RAP1GAP2: variants seen among roughly 807,000 people sequenced by gnomAD.
The protein encoded by RAP1GAP2 is RAP1 GTPase activating protein 2.
RAP1GAP2 carries 27 observed loss-of-function variants against 95.0 expected under a neutral mutation model. The ratio of observed to expected loss-of-function variants is 0.28; its 90% CI spans 0.21 to 0.39. RAP1GAP2 has a LOEUF of 0.39. RAP1GAP2 is among the 10% of genes least tolerant of loss of function. RAP1GAP2 has a pLI of 1.00. For missense variants in RAP1GAP2, 771 were observed against 970.0 expected, an observed-to-expected ratio of 0.79 and a Z score of 2.72; for synonymous variants, 373 against 380.9, an observed-to-expected ratio of 0.98 and a Z score of 0.24.
intron 2 of RAP1GAP2, among the ~76,000 whole-genome samples, chr17:2,833,473 G>A (rs571704866): frequency 2.6e-5 from 4 of 151,888 alleles, no homozygotes; most frequent in South Asian, 2.1e-4. Context: ...GAAAAGTGCC[G>A]AGGTCAGGAG....
intron 14 of RAP1GAP2, among the ~76,000 whole-genome samples, chr17:3,000,095 C>T (rs1486040838): frequency 1.3e-5 from 2 of 152,282 alleles, no homozygotes; most frequent in South Asian, 2.1e-4. Context: ...TTGCAGGCTC[C>T]TGCCACCATG....
chr17:3,026,863 G>A (rs569554545), intron 21 of RAP1GAP2, 81 bp from the exon 22 acceptor site: 1 of 1,493,248 alleles, frequency 6.7e-7, no homozygotes, highest in Non-Finnish European at 9.0e-7. Flanking sequence ...GCTGTCCTGG[G>A]CTTTTGGGGG....
At position 3,005,818 on chromosome 17, in the gene RAP1GAP2, A is replaced by T; in HGVS notation, c.1273-137A>T. The T allele has an allele frequency of 1.2e-6, 1 of 827,578 alleles. No individual in the cohort carries two copies. The highest frequency in any genetic ancestry group is 2.0e-6 in the Non-Finnish European group (1 of 494,248). 51.3% of individuals were successfully genotyped at this position (827,578 alleles called of 1,614,324 possible). ...TTTGCAAGTGGGCTTGGCCTGGGCTAGAAATGATCCGCTGTCGGAAGGGAC... is the reference window on the plus strand; with the variant it reads ...TTTGCAAGTGGGCTTGGCCTGGGCTTGAAATGATCCGCTGTCGGAAGGGAC... On this transcript the variant is annotated intron_variant, in intron 15 of 24. Coordinates refer to ENST00000254695, the MANE Select transcript of RAP1GAP2 (RefSeq NM_015085.5). This position sits in a 1 kb window ranked among gnomAD's most constrained non-coding sequence, Gnocchi z 5.2.
In RAP1GAP2 at chr17:2,905,572, G is replaced by A. The variant is rs73312068; in HGVS notation, c.165+204G>A. 4.5e-3 allele frequency among the ~76,000 whole-genome samples: 678 copies of A among 152,314 alleles called. 5 individuals are homozygous for A. Among genetic ancestry groups the A allele is most frequent in the African/African-American group, 0.015 (634 of 41,580 alleles). ...ACTCAGGGTGTCTGTGTCAAGGGGCGGTGAGGACATTGGGGTTGAAATGGG... is the reference window on the plus strand; with the variant it reads ...ACTCAGGGTGTCTGTGTCAAGGGGCAGTGAGGACATTGGGGTTGAAATGGG... On this transcript the variant is annotated intron_variant, in intron 3 of 24. Transcript: ENST00000254695.
intron 3 of RAP1GAP2, among the ~76,000 whole-genome samples, chr17:2,948,266 A>G (rs951554179): frequency 6.6e-6 from 1 of 152,184 alleles, no homozygotes; most frequent in Non-Finnish European, 1.5e-5. Context: ...GAGGCTGCTG[A>G]CACATAAACA....
intron 8 of RAP1GAP2, among the ~76,000 whole-genome samples, chr17:2,969,429 T>G (rs1329977812): frequency 8.0e-6 from 1 of 125,774 alleles, no homozygotes; most frequent in Non-Finnish European, 1.8e-5. Context: ...CCCAACCATT[T>G]GAAACACACA....
At chr17:2,847,754 C>T (rs369502228) in intron 2 of RAP1GAP2, among the ~76,000 whole-genome samples, 50 of 152,160 alleles carry the variant, frequency 3.3e-4, no homozygotes, top group African/African-American at 1.1e-3. Flanking sequence ...AGGCGGGGGC[C>T]GGGGGACCTT....
chr17:2,980,557 C>T (rs1366668324), intron 9 of RAP1GAP2, among the ~76,000 whole-genome samples, 192 bp downstream of exon 9: 1 of 152,138 alleles, frequency 6.6e-6, no homozygotes, highest in African/African-American at 2.4e-5. Flanking sequence ...TTTCCTACGC[C>T]CTCCATAGCT....
chr17:2,923,813 GA>G, intron 3 of RAP1GAP2, among the ~76,000 whole-genome samples: 1 of 152,174 alleles, frequency 6.6e-6, no homozygotes, highest in East Asian at 1.9e-4. Context: ...CTACCATCCA[GA>G]AATATCCGTT....
chr17:2,807,725 G>T (rs938848096), intron 2 of RAP1GAP2, among the ~76,000 whole-genome samples: 5 of 152,158 alleles, frequency 3.3e-5, no homozygotes, highest in African/African-American at 1.2e-4. Flanking sequence ...AGAAGCGAGG[G>T]TGGGAGTGCA....
rs1422893481 is a variant in RAP1GAP2, at chr17:2,863,769, A to AG, written c.81-41513dup. 2.6e-5 allele frequency among the ~76,000 whole-genome samples: 4 copies of AG among 152,172 alleles called. No homozygotes were observed. In the East Asian group the frequency reaches 7.7e-4, roughly 29 times the overall value. ...TGAGTTAAGAGTCTAGTAAGAGTGG[A>AG]GGTAGGGCCGGGCACGGTGGCTCAC... On this transcript the variant is annotated intron_variant, in intron 2 of 24. Coordinates refer to ENST00000254695, the MANE Select transcript of RAP1GAP2 (RefSeq NM_015085.5).
chr17:2,990,532 C>T (rs573500383), intron 11 of RAP1GAP2, among the ~76,000 whole-genome samples: 1 of 152,136 alleles, frequency 6.6e-6, no homozygotes, highest in Admixed American at 6.5e-5. Flanking sequence ...TTGGTATATG[C>T]CCGGGAGTGA....
intron 3 of RAP1GAP2, among the ~76,000 whole-genome samples, chr17:2,946,397 C>G (rs1016418893): frequency 4.6e-5 from 7 of 152,186 alleles, no homozygotes; most frequent in Non-Finnish European, 7.3e-5. Flanking sequence ...CCATCTGGCC[C>G]TGGACTGTTC....
intron 2 of RAP1GAP2, among the ~76,000 whole-genome samples, chr17:2,856,883 T>G (rs1168008971): frequency 6.6e-6 from 1 of 152,138 alleles, no homozygotes; most frequent in Non-Finnish European, 1.5e-5. Context: ...GGAGAAAGAG[T>G]GATTGATTTC....
intron 3 of RAP1GAP2, among the ~76,000 whole-genome samples, chr17:2,922,820 C>CTTTT (rs1567782104): frequency 1.5e-5 from 2 of 129,098 alleles, no homozygotes; most frequent in African/African-American, 6.4e-5. Flanking sequence ...CCAGTATTTT[C>CTTTT]TTTTTGTTTT....
At chr17:2,921,068 C>A (rs2042750906) in intron 3 of RAP1GAP2, among the ~76,000 whole-genome samples, 1 of 152,192 alleles carries the variant, frequency 6.6e-6, no homozygotes, top group Non-Finnish European at 1.5e-5. Flanking sequence ...GCCCCCCCGG[C>A]AGACTCTGCT....
chr17:2,834,226 T>C (rs1361311609), intron 2 of RAP1GAP2, among the ~76,000 whole-genome samples: 1 of 152,224 alleles, frequency 6.6e-6, no homozygotes, highest in Non-Finnish European at 1.5e-5. Context: ...ATTTTCATCC[T>C]ATCCCAGTTC....
At chr17:2,792,009 G>A (rs1322658543), upstream of RAP1GAP2, among the ~76,000 whole-genome samples, 2 of 152,046 alleles carry the variant, frequency 1.3e-5, no homozygotes, top group Non-Finnish European at 2.9e-5. Flanking sequence ...ACAGGTGCCC[G>A]CCACCATGCC....
At chr17:2,901,478 A>G (rs1396730720) in intron 2 of RAP1GAP2, among the ~76,000 whole-genome samples, 1 of 152,064 alleles carries the variant, frequency 6.6e-6, no homozygotes, top group Non-Finnish European at 1.5e-5. Context: ...TTAGAGTTGC[A>G]TGCGAGTATG....
Sources: gnomAD v4.1 joint callset for allele counts (sites outside exome capture counted in the v4.1 genomes callset) on GRCh38, gnomAD v4.1.1 for gene constraint, Gnocchi (gnomAD v3.1) non-coding constraint, MANE v1.5 for transcripts, NCBI Gene and HGNC (gene_info 2026-07-23, HGNC 2026-07-21) for gene names.